Variants in UNC5C observed in about 807,000 individuals in gnomAD.
UNC5C encodes unc-5 netrin receptor C, also known as netrin receptor UNC5C.
UNC5C carries 47 observed loss-of-function variants against 99.8 expected under a neutral mutation model. The observed-to-expected ratio is 0.47, with a 90% CI of 0.37 to 0.60. The LOEUF (loss-of-function observed/expected upper bound fraction) is 0.60, where lower values mean the gene tolerates loss of function less well. Among genes scored for constraint, UNC5C ranks in the 20% least tolerant of loss-of-function variants. The probability of loss-of-function intolerance (pLI) is 0.00; values close to 1 mark genes in which losing one functional copy is unlikely to be tolerated. For synonymous variants in UNC5C, 487 were observed against 452.2 expected, an observed-to-expected ratio of 1.08 and a Z score of -0.98; for missense variants, 1,062 against 1,165.9, an observed-to-expected ratio of 0.91 and a Z score of 1.30.
In UNC5C at chr4:95,335,617, GAAA is replaced by G; in HGVS notation, c.136_138del (p.Phe46del). The stretch of plus-strand genomic sequence containing the variant: ...GAAGGAAAAGTTTCTGGGAGTTCAT[GAAA>G]AAAGTCATCATCTGAGAAAGAAGAA... On this transcript the variant is annotated inframe_deletion, in exon 2 of 16. Transcript: ENST00000453304. The G allele has an allele frequency of 6.2e-7, 1 of 1,603,514 alleles. No individual in the cohort carries two copies. Among genetic ancestry groups the G allele is most frequent in the Non-Finnish European group, 8.5e-7 (1 of 1,176,234 alleles).
At chr4:95,437,126 G>A (rs1746819293) in intron 1 of UNC5C, among the ~76,000 whole-genome samples, 1 of 151,700 alleles carries the variant, frequency 6.6e-6, no homozygotes, top group Non-Finnish European at 1.5e-5. Flanking sequence ...TTGAAAGTCA[G>A]TAAAAGCATA....
In UNC5C at chr4:95,393,340, G is replaced by C. The variant is rs551007869; in HGVS notation, c.125-57709C>G. On this transcript the variant is annotated intron_variant, in intron 1 of 15. Coordinates refer to ENST00000453304, the MANE Select transcript of UNC5C (RefSeq NM_003728.4). Reference sequence around the variant, plus strand: ...TTGAATTTTCCAAGATGGAACTTTCGTGACCCAGTCATACTAGTTGATGGT... The same window carrying C: ...TTGAATTTTCCAAGATGGAACTTTCCTGACCCAGTCATACTAGTTGATGGT... 3.3e-5 allele frequency among the ~76,000 whole-genome samples: 5 copies of C among 152,148 alleles called. No individual in the cohort carries two copies. The East Asian group carries it at 5.8e-4, about 18-fold the overall frequency.
chr4:95,527,467 G>C (rs1215902983), intron 1 of UNC5C, among the ~76,000 whole-genome samples: 1 of 152,056 alleles, frequency 6.6e-6, no homozygotes, highest in African/African-American at 2.4e-5. Flanking sequence ...TAATTGGTAA[G>C]CTGTGCAAAC....
At chr4:95,500,151 G>A (rs1159814093) in intron 1 of UNC5C, among the ~76,000 whole-genome samples, 2 of 152,172 alleles carry the variant, frequency 1.3e-5, no homozygotes, top group South Asian at 4.1e-4. Context: ...GTTCACAGAA[G>A]TGCTGCAGGA....
chr4:95,228,469 A>G (rs1738776480), intron 7 of UNC5C, among the ~76,000 whole-genome samples: 1 of 152,192 alleles, frequency 6.6e-6, no homozygotes, highest in Non-Finnish European at 1.5e-5. Context: ...TGTTCTCACA[A>G]ACTTGCAAAC....
chr4:95,441,663 C>CATATACAT (rs1560833814), intron 1 of UNC5C, among the ~76,000 whole-genome samples: 9 of 152,006 alleles, frequency 5.9e-5, no homozygotes, highest in African/African-American at 2.2e-4. Context: ...TATACATAGA[C>CATATACAT]ACATAATATA....
chr4:95,379,119 G>C (rs1212347771), intron 1 of UNC5C, among the ~76,000 whole-genome samples: 2 of 152,152 alleles, frequency 1.3e-5, no homozygotes, highest in Non-Finnish European at 2.9e-5. Context: ...GAGGAGTAGA[G>C]AGACAATAAA....
intron 1 of UNC5C, among the ~76,000 whole-genome samples, chr4:95,486,069 A>G (rs1182998835): frequency 6.6e-6 from 1 of 151,798 alleles, no homozygotes; most frequent in Non-Finnish European, 1.5e-5. Context: ...CAAATAATTT[A>G]TATGATTTAA....
chr4:95,386,769 G>C (rs1260693456), intron 1 of UNC5C, among the ~76,000 whole-genome samples: 1 of 152,130 alleles, frequency 6.6e-6, no homozygotes, highest in Admixed American at 6.6e-5. Flanking sequence ...TGCTGGAGCT[G>C]TTCTCACTTC....
At chr4:95,537,940 C>T (rs1722823830) in intron 1 of UNC5C, among the ~76,000 whole-genome samples, 1 of 152,302 alleles carries the variant, frequency 6.6e-6, no homozygotes, top group East Asian at 1.9e-4. Flanking sequence ...AAATAAATTT[C>T]TCAAAGTAGC....
intron 5 of UNC5C, chr4:95,248,285 CT>C (rs1214640138): frequency 1.2e-5 from 3 of 246,604 alleles, no homozygotes; most frequent in African/African-American, 2.4e-5. Flanking sequence ...TGTAAATTTA[CT>C]TAATATAACT....
chr4:95,450,728 C>T (rs1352702157), intron 1 of UNC5C, among the ~76,000 whole-genome samples: 1 of 152,184 alleles, frequency 6.6e-6, no homozygotes, highest in Non-Finnish European at 1.5e-5. Flanking sequence ...CCATTTAATA[C>T]ATATTTTCCA....
Position 95,269,240 on chromosome 4 carries a change from A to T in UNC5C, c.594+9019T>A, listed in dbSNP as rs191328938. Among the ~76,000 whole-genome samples the T allele has an allele frequency of 1.5e-3, 233 of 152,288 alleles. 1 individual carries two copies. The highest frequency in any genetic ancestry group is 5.3e-3 in the African/African-American group (221 of 41,560). On this transcript the variant is annotated intron_variant, in intron 4 of 15. Coordinates refer to ENST00000453304, the MANE Select transcript of UNC5C (RefSeq NM_003728.4). ...GGTAGATTCTAACAATTCCCAGGTGATTCCACTGTGCCTCCACTTCTGAGA... is the reference window on the plus strand; with the variant it reads ...GGTAGATTCTAACAATTCCCAGGTGTTTCCACTGTGCCTCCACTTCTGAGA...
intron 7 of UNC5C, among the ~76,000 whole-genome samples, chr4:95,239,885 A>T (rs1340865010): frequency 1.3e-5 from 2 of 152,196 alleles, no homozygotes; most frequent in Non-Finnish European, 2.9e-5. Context: ...TTTTGAAAAA[A>T]TATTATGCTA....
At chr4:95,420,840 GA>G (rs1229668061) in intron 1 of UNC5C, among the ~76,000 whole-genome samples, 1 of 152,116 alleles carries the variant, frequency 6.6e-6, no homozygotes, top group Non-Finnish European at 1.5e-5. Flanking sequence ...TTATAATGAA[GA>G]AAAGTTTCCA....
chr4:95,501,096 A>C (rs1001056120), intron 1 of UNC5C, among the ~76,000 whole-genome samples: 1 of 152,124 alleles, frequency 6.6e-6, no homozygotes, highest in African/African-American at 2.4e-5. Context: ...AAAGAGATGG[A>C]ATTCTACTTC....
chr4:95,384,274 GC>G (rs1467227154), intron 1 of UNC5C, among the ~76,000 whole-genome samples: 1 of 152,158 alleles, frequency 6.6e-6, no homozygotes, highest in African/African-American at 2.4e-5. Flanking sequence ...CTTATGGATA[GC>G]CTCTATCCTT....
At chr4:95,393,850 G>GTTTTTTT (rs10638203) in intron 1 of UNC5C, among the ~76,000 whole-genome samples, 7 of 133,770 alleles carry the variant, frequency 5.2e-5, no homozygotes, top group Admixed American at 1.5e-4. Flanking sequence ...ACAATCTACT[G>GTTTTTTT]TTTTTTTTTT....
chr4:95,170,799 T>A (rs909115429), intron 14 of UNC5C, among the ~76,000 whole-genome samples: 1 of 152,242 alleles, frequency 6.6e-6, no homozygotes, highest in Non-Finnish European at 1.5e-5. Flanking sequence ...GGGCAAATGC[T>A]CCAGTAGTTC....
Sources: gnomAD v4.1 joint callset for allele counts (sites outside exome capture counted in the v4.1 genomes callset) on GRCh38, gnomAD v4.1.1 for gene constraint, MANE v1.5 for transcripts, NCBI Gene and HGNC (gene_info 2026-07-23, HGNC 2026-07-21) for gene names.